The following LRFN5 variants were observed in gnomAD, a reference collection of about 807,000 sequenced individuals.
LRFN5 encodes the protein leucine-rich repeat and fibronectin type-III domain-containing protein 5.
LRFN5 carries 24 observed loss-of-function variants against 45.6 expected under a neutral mutation model. The ratio of observed to expected loss-of-function variants is 0.53; its 90% CI spans 0.38 to 0.74. The LOEUF (loss-of-function observed/expected upper bound fraction) is 0.74, where lower values mean the gene tolerates loss of function less well. LRFN5 is among the 30% of genes least tolerant of loss of function. LRFN5 has a pLI of 0.00. For synonymous variants in LRFN5, 340 were observed against 313.8 expected (o/e 1.08, Z -0.88); for missense variants, 776 against 861.5 (o/e 0.90, Z 1.24).
At chr14:41,704,355 C>T (rs1377407474) in intron 1 of LRFN5, among the ~76,000 whole-genome samples, 1 of 149,992 alleles carries the variant, frequency 6.7e-6, no homozygotes, top group South Asian at 2.1e-4. Context: ...ATTGCTTGTA[C>T]CTCACTTTCA....
intron 4 of LRFN5, among the ~76,000 whole-genome samples, chr14:41,896,407 T>C (rs1313243092): frequency 6.6e-6 from 1 of 152,200 alleles, no homozygotes; most frequent in Non-Finnish European, 1.5e-5. Context: ...GTCCAGTGAT[T>C]AACAATGTAT....
At chr14:41,840,852 T>G (rs563967057) in intron 2 of LRFN5, among the ~76,000 whole-genome samples, 2 of 152,116 alleles carry the variant, frequency 1.3e-5, no homozygotes, top group South Asian at 4.1e-4. Context: ...AAACCTGAGA[T>G]AGAATTATTT....
intron 1 of LRFN5, among the ~76,000 whole-genome samples, chr14:41,672,721 C>G (rs1452277363): frequency 1.3e-5 from 2 of 151,738 alleles, no homozygotes; most frequent in Non-Finnish European, 1.5e-5. Flanking sequence ...GGAATCCTTA[C>G]CCTGGGATTT....
At chr14:41,616,026 T>C (rs75464899) in intron 1 of LRFN5, among the ~76,000 whole-genome samples, 1 of 152,182 alleles carries the variant, frequency 6.6e-6, no homozygotes, top group Non-Finnish European at 1.5e-5. Flanking sequence ...TAAACGTATT[T>C]GCTATTATGA....
At position 41,886,244 on chromosome 14, in the gene LRFN5, G is replaced by A. The variant is rs561180073; in HGVS notation, c.-20-362G>A. Among the ~76,000 whole-genome samples the A allele has an allele frequency of 4.6e-5, 7 of 152,130 alleles. No homozygotes were observed. The South Asian group carries it at 1.5e-3, about 32-fold the overall frequency. On this transcript the variant is annotated intron_variant, in intron 2 of 5. Coordinates refer to ENST00000298119, the MANE Select transcript of LRFN5 (RefSeq NM_152447.5). ...TTTATGTAACAAGATGTCCTTCAGG[G>A]TCTAGGGTATGTTTTCCTGAACCCC...
intron 3 of LRFN5, 79 bp from the exon 4 acceptor site, chr14:41,891,170 CT>C: frequency 9.3e-7 from 1 of 1,080,846 alleles, no homozygotes; most frequent in Non-Finnish European, 1.4e-6. Flanking sequence ...TGAAATGACA[CT>C]GAACTAAAGT....
At chr14:41,686,546 G>A (rs1448981657) in intron 1 of LRFN5, among the ~76,000 whole-genome samples, 1 of 151,930 alleles carries the variant, frequency 6.6e-6, no homozygotes, top group Non-Finnish European at 1.5e-5. Context: ...TCTTGTACCA[G>A]TTTTCAAAGG....
At chr14:41,894,833 A>G (rs1890888619) in intron 4 of LRFN5, 1 of 981,338 alleles carries the variant, frequency 1.0e-6, no homozygotes, top group Admixed American at 6.2e-5. Flanking sequence ...TACCATAAGC[A>G]ACAAATTCTC....
intron 2 of LRFN5, among the ~76,000 whole-genome samples, chr14:41,874,749 C>G (rs1378328568): frequency 6.6e-6 from 1 of 152,094 alleles, no homozygotes; most frequent in Non-Finnish European, 1.5e-5. Flanking sequence ...AAGACATACC[C>G]AAGATTGGGT....
chr14:41,640,485 A>G (rs919248264), intron 1 of LRFN5, among the ~76,000 whole-genome samples: 1 of 152,086 alleles, frequency 6.6e-6, no homozygotes, highest in Non-Finnish European at 1.5e-5. Context: ...TTCTATCATG[A>G]CCTTTTTATA....
intron 1 of LRFN5, chr14:41,700,075 A>G (rs1882775182): frequency 6.6e-6 from 1 of 152,056 alleles, no homozygotes; most frequent in African/African-American, 2.4e-5. Context: ...GCTACTAGAA[A>G]CATGAATTTG....
chr14:41,662,019 G>T (rs1479975082), intron 1 of LRFN5, among the ~76,000 whole-genome samples: 1 of 151,990 alleles, frequency 6.6e-6, no homozygotes, highest in African/African-American at 2.4e-5. Flanking sequence ...ACAAGAGAAG[G>T]GGTGGGGGCT....
At chr14:41,781,604 GAAAGAAAGAAAGAGAAAGAA>G (rs1219555062) in intron 2 of LRFN5, among the ~76,000 whole-genome samples, 307 of 77,732 alleles carry the variant, frequency 3.9e-3, no homozygotes, top group African/African-American at 0.019. Flanking sequence ...AAGAAAGAAA[GAAAGAAAGAAAGAGAAAGAA>G]AGAAAGAAAG....
At chr14:41,746,766 C>G (rs924714033) in intron 1 of LRFN5, among the ~76,000 whole-genome samples, 1 of 151,988 alleles carries the variant, frequency 6.6e-6, no homozygotes, top group Non-Finnish European at 1.5e-5. Flanking sequence ...AAAATTATCT[C>G]TGATCTCAGA....
chr14:41,786,044 A>G (rs1317847647), intron 2 of LRFN5, among the ~76,000 whole-genome samples: 1 of 152,148 alleles, frequency 6.6e-6, no homozygotes, highest in Non-Finnish European at 1.5e-5. Context: ...GATATATGGT[A>G]CAAGAAGCTT....
intron 1 of LRFN5, among the ~76,000 whole-genome samples, chr14:41,737,057 A>G (rs1022329445): frequency 2.6e-5 from 4 of 152,154 alleles, no homozygotes; most frequent in Non-Finnish European, 2.9e-5. Flanking sequence ...AAGAAAGAAA[A>G]TTTCAGGCCA....
chr14:41,756,513 T>G (rs1885391163), intron 1 of LRFN5, among the ~76,000 whole-genome samples: 1 of 151,804 alleles, frequency 6.6e-6, no homozygotes, highest in Admixed American at 6.6e-5. Flanking sequence ...CATTTCATCT[T>G]CCATCACTGA....
intron 1 of LRFN5, among the ~76,000 whole-genome samples, chr14:41,681,900 C>G (rs1881912576): frequency 6.6e-6 from 1 of 150,854 alleles, no homozygotes; most frequent in Non-Finnish European, 1.5e-5. Context: ...CTCTCTGTAA[C>G]CTCTGCCTCC....
chr14:41,651,172 T>C (rs904170745), intron 1 of LRFN5, among the ~76,000 whole-genome samples: 1 of 152,162 alleles, frequency 6.6e-6, no homozygotes, highest in African/African-American at 2.4e-5. Context: ...AAATTGTGTA[T>C]ATTATTTGCT....
Sources: gnomAD v4.1 joint callset for allele counts (sites outside exome capture counted in the v4.1 genomes callset) on GRCh38, gnomAD v4.1.1 for gene constraint, MANE v1.5 for transcripts, NCBI Gene and HGNC (gene_info 2026-07-23, HGNC 2026-07-21) for gene names.